The following ZGPAT variants were observed in gnomAD, a reference collection of about 807,000 sequenced individuals.
ZGPAT encodes the protein zinc finger CCCH-type with G patch domain-containing protein.
ZGPAT carries 39 observed loss-of-function variants against 47.9 expected under a neutral mutation model. That is an observed-to-expected ratio of 0.81 (90% CI 0.63 to 1.06). ZGPAT has a LOEUF of 1.06. ZGPAT is among the 50% of genes least tolerant of loss of function. The pLI, the probability that ZGPAT is intolerant of heterozygous loss-of-function variation, is 0.00. For synonymous variants in ZGPAT, 348 were observed against 292.9 expected (o/e 1.19, Z -1.92); for missense variants, 717 against 681.4 (o/e 1.05, Z -0.58).
At chr20:63,708,358 G>A (rs1374779545) in intron 1 of ZGPAT, among the ~76,000 whole-genome samples, 195 bp from the exon 2 acceptor site, 3 of 152,026 alleles carry the variant, frequency 2.0e-5, no homozygotes, top group African/African-American at 7.2e-5. Context: ...CCCGGCTAGC[G>A]GCGAGCCCAC....
intron 2 of ZGPAT, among the ~76,000 whole-genome samples, chr20:63,716,093 C>T (rs2091725759): frequency 6.6e-6 from 1 of 151,042 alleles, no homozygotes. Flanking sequence ...GCAGTGGTGC[C>T]ATCTTGGCTC....
chr20:63,727,321 A>G (rs1389222896), intron 2 of ZGPAT, among the ~76,000 whole-genome samples: 1 of 150,570 alleles, frequency 6.6e-6, no homozygotes, highest in Non-Finnish European at 1.5e-5. Flanking sequence ...GCTCACTGCA[A>G]CCCTCTGCCT....
At chr20:63,714,692 G>A (rs1411167818) in intron 2 of ZGPAT, among the ~76,000 whole-genome samples, 1 of 151,856 alleles carries the variant, frequency 6.6e-6, no homozygotes, top group Non-Finnish European at 1.5e-5. Context: ...ACCCAGGCTG[G>A]AGGGCAGTGG....
At chr20:63,711,690 C>A (rs2091669904) in intron 2 of ZGPAT, among the ~76,000 whole-genome samples, 2 of 151,868 alleles carry the variant, frequency 1.3e-5, no homozygotes, top group South Asian at 4.1e-4. Context: ...TCAAGGGATT[C>A]TCCTGCCTCA....
Position 63,733,744 on chromosome 20 carries a change from G to A in ZGPAT, c.871+5G>A. On this transcript the variant is annotated splice_donor_5th_base_variant and intron_variant, in intron 4 of 6. Coordinates refer to ENST00000355969, the MANE Select transcript of ZGPAT (RefSeq NM_181485.3). ...GTGACTCCAGCTATGCCAGAGGTAT[G>A]GCAGCAGCTGCGGAGCCCAGGAGCC... is the stretch of plus-strand genomic sequence containing the variant. The A allele has an allele frequency of 1.2e-6, 2 of 1,605,614 alleles. No individual in the cohort carries two copies. Among genetic ancestry groups the A allele is most frequent in the Non-Finnish European group, 1.7e-6 (2 of 1,174,942 alleles).
chr20:63,717,709 T>C (rs2091745447), intron 2 of ZGPAT, among the ~76,000 whole-genome samples: 2 of 152,210 alleles, frequency 1.3e-5, no homozygotes, highest in African/African-American at 4.8e-5. Context: ...TAGCTGGGAC[T>C]ACAGGTGTAC....
chr20:63,733,869 G>A, intron 4 of ZGPAT, 130 bp downstream of exon 4: 1 of 1,284,482 alleles, frequency 7.8e-7, no homozygotes, highest in Non-Finnish European at 1.0e-6. Flanking sequence ...GGTGCCACCT[G>A]TGCCTGAGGA....
chr20:63,728,873 G>T (rs1033024376), intron 2 of ZGPAT, among the ~76,000 whole-genome samples: 3 of 152,156 alleles, frequency 2.0e-5, no homozygotes, highest in African/African-American at 7.2e-5. Flanking sequence ...AGGTGCAAAG[G>T]CTGTAGACTT....
At chr20:63,730,968 CTCTGTGTGTGTG>C (rs1473364337) in intron 2 of ZGPAT, among the ~76,000 whole-genome samples, 30 of 101,020 alleles carry the variant, frequency 3.0e-4, no homozygotes, top group African/African-American at 1.6e-3. Flanking sequence ...CTCTCTCTCT[CTCTGTGTGTGTG>C]TGTGTGTGTG....
chr20:63,735,482 C>T lies in ZGPAT; in HGVS notation c.1315C>T (p.Leu439Phe). 1 of 1,545,288 alleles carries T rather than the reference C, an allele frequency of 6.5e-7. No individual in the cohort carries two copies. Among genetic ancestry groups the T allele is most frequent in the Non-Finnish European group, 8.7e-7 (1 of 1,151,278 alleles). ...KSAKRALSLR[L>F]FQTEEKIERT... ...TGCCAAGCGGGCCCTGAGCCTGCGG[C>T]TCTTCCAGACTGAGGAGAAGATCGA... The change falls in exon 6 of 7, where the codon CTC (leucine) becomes TTC (phenylalanine). Residue 439 changes from leucine (L) to phenylalanine (F), a missense_variant. Transcript: ENST00000355969.
rs2091942988 is a variant in ZGPAT, at chr20:63,733,359, C to G, written c.718+7C>G. 3 of 1,609,360 alleles carry G rather than the reference C, an allele frequency of 1.9e-6. 1 individual carries two copies. Among genetic ancestry groups the G allele is most frequent in the South Asian group, 2.2e-5 (2 of 90,920 alleles). ...CACGCAGCACGCATCACCGGTGAGG[C>G]TGGCCGTGGGGGCCTCCCGGGAACA... On this transcript the variant is annotated splice_region_variant and intron_variant, in intron 3 of 6. Transcript: ENST00000355969.
Position 63,735,801 on chromosome 20 carries a change from A to G in ZGPAT, c.1418A>G (p.Gln473Arg). 6.2e-7 allele frequency: 1 copy of G among 1,609,626 alleles called. No homozygotes were observed. Among genetic ancestry groups the G allele is most frequent in the East Asian group, 2.2e-5 (1 of 44,726 alleles). ...CGCAGGCATAGCGTGGCGTCAGCCC[A>G]GCTGCAGGAGAAGCTGGCAGGAGCC... ...NAGRHSVASAQLQEKLAGAQR... is the reference protein window; with the variant it reads ...NAGRHSVASARLQEKLAGAQR... Residue 473 changes from glutamine to arginine, a missense_variant, in exon 7 of 7, where the codon CAG becomes CGG. Coordinates refer to ENST00000355969, the MANE Select transcript of ZGPAT (RefSeq NM_181485.3).
chr20:63,730,925 T>TCC (rs1244841836), intron 2 of ZGPAT, among the ~76,000 whole-genome samples: 4 of 12,140 alleles, frequency 3.3e-4, no homozygotes, highest in East Asian at 2.2e-3. Flanking sequence ...CTCTTCATTC[T>TCC]CTCTCTCTCT....
Position 63,734,844 on chromosome 20 carries a change from G to A in ZGPAT, c.991+20G>A, listed in dbSNP as rs970196253. 36 of 1,560,574 alleles carry A rather than the reference G, an allele frequency of 2.3e-5. No homozygotes were observed. The highest frequency in any genetic ancestry group is 3.4e-4 in the Middle Eastern group (2 of 5,818). On this transcript the variant is annotated intron_variant, in intron 5 of 6. Transcript: ENST00000355969. ...GCAAGGGTGAGTACAAGCTGCCCTG[G>A]AGAAGTGGGCAGGCTGCTGCAGCAT...
intron 2 of ZGPAT, among the ~76,000 whole-genome samples, chr20:63,732,288 CGTGTGT>C (rs56046298): frequency 7.0e-6 from 1 of 142,912 alleles, no homozygotes; most frequent in Non-Finnish European, 1.5e-5. Context: ...TGGGTGAGGG[CGTGTGT>C]GTGTGCATGT....
chr20:63,726,668 A>G (rs1160407185), intron 2 of ZGPAT, among the ~76,000 whole-genome samples: 2 of 150,224 alleles, frequency 1.3e-5, no homozygotes, highest in African/African-American at 2.5e-5. Context: ...GACTGCAGGC[A>G]CCCTCCACCA....
chr20:63,707,555 G>T (rs566720993), upstream of ZGPAT: 2 of 160,466 alleles, frequency 1.2e-5, no homozygotes, highest in Admixed American at 6.4e-5. Flanking sequence ...CCCTGCAGGC[G>T]CCGGGTAGGG....
intron 2 of ZGPAT, among the ~76,000 whole-genome samples, chr20:63,727,924 G>A (rs2091861138): frequency 6.6e-6 from 1 of 151,616 alleles, no homozygotes; most frequent in Non-Finnish European, 1.5e-5. Context: ...ATTCTGAGTT[G>A]TTTTCCTGAG....
intron 1 of ZGPAT, among the ~76,000 whole-genome samples, chr20:63,708,343 C>T (rs1187913891): frequency 6.6e-6 from 1 of 151,886 alleles, no homozygotes; most frequent in Non-Finnish European, 1.5e-5. Context: ...CGGAGTGACG[C>T]GGGACCCGGC....
Sources: allele counts gnomAD v4.1 joint callset (sites outside exome capture counted in the v4.1 genomes callset), GRCh38; gene constraint gnomAD v4.1.1; transcripts MANE v1.5; gene names NCBI Gene and HGNC (gene_info 2026-07-23, HGNC 2026-07-21).